Variants in TANC2 observed in about 807,000 individuals in gnomAD.
TANC2 encodes the protein tetratricopeptide repeat, ankyrin repeat and coiled-coil containing 2.
TANC2 carries 26 observed loss-of-function variants against 210.5 expected under a neutral mutation model. That is an observed-to-expected ratio of 0.12 (90% confidence interval 0.09 to 0.17). The LOEUF (loss-of-function observed/expected upper bound fraction) is 0.17, where lower values mean the gene tolerates loss of function less well. Among genes scored for constraint, TANC2 ranks in the 10% least tolerant of loss-of-function variants. The probability of loss-of-function intolerance (pLI) is 1.00; values close to 1 mark genes in which losing one functional copy is unlikely to be tolerated. For missense variants in TANC2, 2,129 were observed against 2,608.9 expected (o/e 0.82, Z 4.01); for synonymous variants, 931 against 967.1 (o/e 0.96, Z 0.69).
intron 7 of TANC2, among the ~76,000 whole-genome samples, chr17:63,213,228 G>A (rs2041936552): frequency 6.6e-6 from 1 of 152,186 alleles, no homozygotes; most frequent in Non-Finnish European, 1.5e-5. Flanking sequence ...ATATACCAGG[G>A]TTAGAATACA....
intron 1 of TANC2, among the ~76,000 whole-genome samples, chr17:62,968,735 TAG>T (rs1280422394): frequency 6.6e-6 from 1 of 152,180 alleles, no homozygotes; most frequent in African/African-American, 2.4e-5. Flanking sequence ...TTGTTCTTGA[TAG>T]AGTATTATGT....
At chr17:63,026,852 A>C (rs1052091959) in intron 2 of TANC2, among the ~76,000 whole-genome samples, 1 of 152,146 alleles carries the variant, frequency 6.6e-6, no homozygotes, top group East Asian at 1.9e-4. Flanking sequence ...TTAGCACTGT[A>C]CTGCAATATT....
chr17:63,106,185 A>C (rs2037816275), intron 4 of TANC2, among the ~76,000 whole-genome samples: 1 of 151,646 alleles, frequency 6.6e-6, no homozygotes, highest in Admixed American at 6.6e-5. Context: ...TAGTCTTCCA[A>C]ATCAAAAGTA....
intron 2 of TANC2, among the ~76,000 whole-genome samples, chr17:63,053,373 A>G (rs570378417): frequency 3.3e-5 from 5 of 152,316 alleles, no homozygotes; most frequent in Non-Finnish European, 5.9e-5. Context: ...TCAATTCTCA[A>G]TCTTCATATT....
chr17:63,303,479 G>A (rs181681805), intron 9 of TANC2, among the ~76,000 whole-genome samples: 2 of 152,270 alleles, frequency 1.3e-5, no homozygotes, highest in African/African-American at 4.8e-5. Flanking sequence ...TAGTCTCATG[G>A]GCTTCCCTTT....
intron 4 of TANC2, among the ~76,000 whole-genome samples, chr17:63,142,821 A>G (rs538626064): frequency 6.6e-6 from 1 of 152,302 alleles, no homozygotes; most frequent in South Asian, 2.1e-4. Context: ...TATAATTCCA[A>G]TTGTTAATAG....
intron 7 of TANC2, among the ~76,000 whole-genome samples, chr17:63,218,163 T>G (rs2042073444): frequency 1.3e-5 from 2 of 151,890 alleles, no homozygotes; most frequent in Non-Finnish European, 2.9e-5. Context: ...TACACACTTG[T>G]AGTCTTAGTT....
intron 4 of TANC2, among the ~76,000 whole-genome samples, chr17:63,144,873 C>A (rs2039412150): frequency 6.6e-6 from 1 of 151,852 alleles, no homozygotes; most frequent in African/African-American, 2.4e-5. Flanking sequence ...TGCATTGTAT[C>A]TTTTTTATTT....
At chr17:63,141,700 T>C (rs953157105) in intron 4 of TANC2, among the ~76,000 whole-genome samples, 10 of 152,012 alleles carry the variant, frequency 6.6e-5, no homozygotes, top group African/African-American at 2.4e-4. Context: ...CTAAAAGAAA[T>C]AGGCCATCTA....
At chr17:63,111,158 A>C (rs962129076) in intron 4 of TANC2, among the ~76,000 whole-genome samples, 3 of 151,896 alleles carry the variant, frequency 2.0e-5, no homozygotes, top group Non-Finnish European at 4.4e-5. Context: ...CTAAAAATAC[A>C]AAAAAAATTA....
intron 7 of TANC2, among the ~76,000 whole-genome samples, chr17:63,235,472 C>A (rs1215510097): frequency 6.6e-6 from 1 of 152,062 alleles, no homozygotes; most frequent in Admixed American, 6.6e-5. Context: ...ATACCCTCAT[C>A]TCTCTTTTAA....
At chr17:63,144,995 G>A (rs775279453) in intron 4 of TANC2, among the ~76,000 whole-genome samples, 1 of 151,550 alleles carries the variant, frequency 6.6e-6, no homozygotes, top group South Asian at 2.1e-4. Flanking sequence ...GTGCCAAAAT[G>A]TCAGATTCTA....
chr17:63,101,871 C>T (rs1001456054), intron 4 of TANC2, among the ~76,000 whole-genome samples: 5 of 152,114 alleles, frequency 3.3e-5, no homozygotes, highest in African/African-American at 1.2e-4. Flanking sequence ...ATGGGAAGAT[C>T]TGGGATCGGA....
In TANC2 at chr17:63,133,219, G is replaced by A. The variant is rs572637078; in HGVS notation, c.323-18051G>A. Reference sequence around the variant, plus strand: ...AAACTCATGATCTTGTGATCCACCCGCCTCTGCCTCCCACAGTGCTGGGAT... The same window carrying A: ...AAACTCATGATCTTGTGATCCACCCACCTCTGCCTCCCACAGTGCTGGGAT... On this transcript the variant is annotated intron_variant, in intron 4 of 27. Transcript: ENST00000689528. 7.3e-4 allele frequency among the ~76,000 whole-genome samples: 111 copies of A among 151,844 alleles called. 1 individual carries two copies. The highest frequency in any genetic ancestry group is 2.6e-3 in the African/African-American group (106 of 41,398).
chr17:63,215,875 G>A (rs984136445), intron 7 of TANC2, among the ~76,000 whole-genome samples: 7 of 151,808 alleles, frequency 4.6e-5, no homozygotes, highest in East Asian at 1.9e-4. Flanking sequence ...TCAGCCTCCC[G>A]AGTAGCTGGG....
chr17:63,307,975 C>T (rs2044981419), intron 9 of TANC2, among the ~76,000 whole-genome samples: 1 of 152,134 alleles, frequency 6.6e-6, no homozygotes, highest in Non-Finnish European at 1.5e-5. Context: ...CCATGTTAGC[C>T]AGATTGGTCT....
At chr17:63,035,802 G>C (rs189126122) in intron 2 of TANC2, among the ~76,000 whole-genome samples, 1 of 152,266 alleles carries the variant, frequency 6.6e-6, no homozygotes, top group East Asian at 1.9e-4. Context: ...CAGAGTAGCT[G>C]TACCCTTTTC....
intron 4 of TANC2, among the ~76,000 whole-genome samples, chr17:63,104,914 A>G (rs1290744600): frequency 1.3e-5 from 2 of 151,882 alleles, no homozygotes; most frequent in African/African-American, 2.4e-5. Context: ...ACTAGGGTTG[A>G]TAATAGTATC....
intron 11 of TANC2, among the ~76,000 whole-genome samples, chr17:63,322,371 G>C (rs2927290): frequency 1.2e-4 from 18 of 152,068 alleles, no homozygotes; most frequent in Non-Finnish European, 2.5e-4. Flanking sequence ...GGTGGCGGGC[G>C]CCTGTAGTCC....
Sources: allele counts gnomAD v4.1 joint callset (sites outside exome capture counted in the v4.1 genomes callset), GRCh38; gene constraint gnomAD v4.1.1; transcripts MANE v1.5; gene names NCBI Gene and HGNC (gene_info 2026-07-23, HGNC 2026-07-21).